Variants in TTC6 observed in about 807,000 individuals in gnomAD.
The protein encoded by TTC6 is tetratricopeptide repeat protein 6.
In TTC6, 172 loss-of-function variants were observed where a neutral mutation model predicts 210.4. The observed-to-expected ratio is 0.82, with a 90% CI of 0.72 to 0.93. TTC6 has a LOEUF of 0.93. Ranked by LOEUF, TTC6 falls within the 40% of genes least tolerant of loss-of-function variation. The pLI, the probability that TTC6 is intolerant of heterozygous loss-of-function variation, is 0.00. For missense variants in TTC6, 2,414 were observed against 2,318.1 expected (o/e 1.04, Z -0.85); for synonymous variants, 804 against 819.6 (o/e 0.98, Z 0.32).
intron 14 of TTC6, among the ~76,000 whole-genome samples, chr14:37,780,379 T>C (rs1020352135): frequency 6.6e-6 from 1 of 152,146 alleles, no homozygotes; most frequent in African/African-American, 2.4e-5. Context: ...CATTAGCGAT[T>C]CTTCCTGATG....
chr14:37,814,731 A>G (rs914388039), intron 25 of TTC6, among the ~76,000 whole-genome samples: 2 of 152,178 alleles, frequency 1.3e-5, no homozygotes, highest in Non-Finnish European at 2.9e-5. Context: ...AAAAAATTCA[A>G]TTTTTCTCTA....
At chr14:37,739,503 A>T (rs1252836060) in intron 10 of TTC6, among the ~76,000 whole-genome samples, 1 of 146,544 alleles carries the variant, frequency 6.8e-6, no homozygotes, top group African/African-American at 2.5e-5. Flanking sequence ...TGGGAGGTGG[A>T]GGTTGCAATG....
chr14:37,637,353 T>C (rs910968468), intron 1 of TTC6, among the ~76,000 whole-genome samples: 1 of 152,238 alleles, frequency 6.6e-6, no homozygotes, highest in Non-Finnish European at 1.5e-5. Context: ...CAAAAGACCC[T>C]GTTAAGACGA....
At chr14:37,677,435 GT>G (rs527391997) in intron 1 of TTC6, among the ~76,000 whole-genome samples, 2 of 151,574 alleles carry the variant, frequency 1.3e-5, no homozygotes, top group Admixed American at 6.6e-5. Flanking sequence ...GCTCTAGTAG[GT>G]TTTTTTTGTA....
intron 5 of TTC6, 146 bp from the exon 8 acceptor site, chr14:37,714,509 G>C: frequency 2.0e-6 from 1 of 508,870 alleles, no homozygotes; most frequent in Non-Finnish European, 3.2e-6. Context: ...TCTCATTTTG[G>C]ATTATCTGAC....
At chr14:37,747,619 C>T (rs977960349) in intron 10 of TTC6, among the ~76,000 whole-genome samples, 1 of 152,116 alleles carries the variant, frequency 6.6e-6, no homozygotes, top group African/African-American at 2.4e-5. Flanking sequence ...TCACTCTCCT[C>T]CTTCCCTCTG....
chr14:37,800,247 G>C (rs1370695274), intron 20 of TTC6, among the ~76,000 whole-genome samples: 1 of 152,070 alleles, frequency 6.6e-6, no homozygotes, highest in Non-Finnish European at 1.5e-5. Flanking sequence ...TTTATTTAGT[G>C]GTTCAAAGCT....
intron 8 of TTC6, among the ~76,000 whole-genome samples, chr14:37,737,431 T>TAA (rs1566921159): frequency 4.0e-5 from 1 of 24,806 alleles, no homozygotes; most frequent in Non-Finnish European, 1.4e-4. Flanking sequence ...GTTGAATTTT[T>TAA]TAAAAAAACA....
At chr14:37,832,329 CTTTTTTTTTTT>C (rs58133834) in intron 29 of TTC6, among the ~76,000 whole-genome samples, 1 of 68,918 alleles carries the variant, frequency 1.5e-5, no homozygotes, top group Non-Finnish European at 2.8e-5. Context: ...TTCTTTCTCT[CTTTTTTTTTTT>C]TTTTTTTTTT....
At chr14:37,842,692 T>TAAAC (rs3842323), downstream of TTC6, 134,165 of 152,360 alleles carry the variant, frequency 0.88, 59,721 homozygotes, top group Non-Finnish European at 0.95. Context: ...GATTAAAAAA[T>TAAAC]AAACCGATGA....
rs556030945 is a variant in TTC6 at position 37,728,302 on chromosome 14, G to A, written c.1818+3300G>A. On this transcript the variant is annotated intron_variant, in intron 7 of 30. Transcript: ENST00000553443. ...TTGTCAGTTTTTCCATGTGTTAGCC[G>A]GGCATGGTGGCTCACGCCTGTAATC... Among the ~76,000 whole-genome samples, 62 of 152,016 alleles carry A rather than the reference G, an allele frequency of 4.1e-4. No homozygotes were observed. In the South Asian group the frequency reaches 9.4e-3, roughly 23 times the overall value.
chr14:37,695,698 A>G (rs2095813541), intron 3 of TTC6, among the ~76,000 whole-genome samples: 1 of 152,186 alleles, frequency 6.6e-6, no homozygotes, highest in South Asian at 2.1e-4. Flanking sequence ...CTGAAAGAGT[A>G]TAATTGGATT....
At chr14:37,747,692 G>C (rs568518641) in intron 10 of TTC6, among the ~76,000 whole-genome samples, 34 of 152,298 alleles carry the variant, frequency 2.2e-4, no homozygotes, top group African/African-American at 7.9e-4. Context: ...TAAGGCTATA[G>C]TCTGTGCAGA....
intron 14 of TTC6, among the ~76,000 whole-genome samples, chr14:37,766,305 A>G (rs1188205905): frequency 6.6e-6 from 1 of 152,150 alleles, no homozygotes; most frequent in African/African-American, 2.4e-5. Flanking sequence ...AAATTATTTC[A>G]TCACCAAGGT....
intron 6 of TTC6, among the ~76,000 whole-genome samples, chr14:37,722,644 T>C (rs35610918): frequency 0.057 from 8,670 of 152,286 alleles, 380 homozygotes; most frequent in Non-Finnish European, 0.089. Context: ...CCAGCCATGA[T>C]GTTTCTCTGA....
At chr14:37,605,172 G>T (rs2095622883) in intron 1 of TTC6, among the ~76,000 whole-genome samples, 1 of 152,192 alleles carries the variant, frequency 6.6e-6, no homozygotes, top group Non-Finnish European at 1.5e-5. Flanking sequence ...CTCAGATATA[G>T]ATATGTCTGC....
chr14:37,786,450 A>G (rs977571409), intron 14 of TTC6, among the ~76,000 whole-genome samples: 3 of 152,214 alleles, frequency 2.0e-5, no homozygotes, highest in Admixed American at 6.5e-5. Context: ...ATCTACTGGT[A>G]TGCCATTTGC....
intron 1 of TTC6, among the ~76,000 whole-genome samples, chr14:37,597,321 G>T (rs1412900551): frequency 6.6e-6 from 1 of 152,048 alleles, no homozygotes; most frequent in South Asian, 2.1e-4. Context: ...TGTTCCTTCT[G>T]GAGGTGATTC....
intron 1 of TTC6, among the ~76,000 whole-genome samples, chr14:37,672,308 T>A (rs2095759827): frequency 6.6e-6 from 1 of 152,322 alleles, no homozygotes; most frequent in South Asian, 2.1e-4. Flanking sequence ...ATATTTATAC[T>A]CTTATCCTCA....
Sources: allele counts gnomAD v4.1 joint callset (sites outside exome capture counted in the v4.1 genomes callset), GRCh38; gene constraint gnomAD v4.1.1; transcripts MANE v1.5; gene names NCBI Gene and HGNC (gene_info 2026-07-23, HGNC 2026-07-21).